The following LPP variants were observed in gnomAD, a reference collection of about 807,000 sequenced individuals.
The protein encoded by LPP is lipoma-preferred partner.
A neutral mutation model predicts 60.4 loss-of-function variants in LPP; 38 were observed. The observed-to-expected ratio is 0.63, with a 90% CI of 0.49 to 0.83. The LOEUF (loss-of-function observed/expected upper bound fraction) is 0.83, where lower values mean the gene tolerates loss of function less well. Ranked by LOEUF, LPP falls within the 40% of genes least tolerant of loss-of-function variation. The probability of loss-of-function intolerance (pLI) is 0.00; values close to 1 mark genes in which losing one functional copy is unlikely to be tolerated. For synonymous variants in LPP, 328 were observed against 290.8 expected (o/e 1.13, Z -1.30); for missense variants, 902 against 783.6 (o/e 1.15, Z -1.80).
chr3:188,875,449 GA>G lies in LPP; in HGVS notation c.*976del. On this transcript the variant is annotated 3_prime_UTR_variant, in exon 12 of 12. Transcript: ENST00000617246. Reference sequence around the variant, plus strand: ...TTTTTCTCTAGAGGATGAAGGCTGTGAAAAAACCGTTCAAATTCTCTTCTTT... The same window carrying G: ...TTTTTCTCTAGAGGATGAAGGCTGTGAAAAACCGTTCAAATTCTCTTCTTT... 4.6e-6 allele frequency: 1 copy of G among 216,300 alleles called. No homozygotes were observed. The allele number at this position is 216,300 out of a possible 1,614,324, so 13.4% of individuals were successfully genotyped here.
chr3:188,508,667 A>G (rs1814278900), intron 5 of LPP, among the ~76,000 whole-genome samples: 1 of 152,210 alleles, frequency 6.6e-6, no homozygotes, highest in South Asian at 2.1e-4. Flanking sequence ...CCATTTCGAC[A>G]GATGAGGAGA....
At chr3:188,696,541 G>A (rs1863276762) in intron 7 of LPP, among the ~76,000 whole-genome samples, 2 of 152,244 alleles carry the variant, frequency 1.3e-5, no homozygotes, top group South Asian at 4.2e-4. Flanking sequence ...CTGAGATTAT[G>A]CCACTGCTCT....
chr3:188,441,660 G>T (rs1244515821), intron 4 of LPP, among the ~76,000 whole-genome samples: 1 of 99,446 alleles, frequency 1.0e-5, no homozygotes, highest in Non-Finnish European at 1.8e-5. Context: ...TCGCTCTGTC[G>T]CCCAGGCTGG....
At chr3:188,428,027 C>T (rs1162579265) in intron 4 of LPP, among the ~76,000 whole-genome samples, 3 of 152,094 alleles carry the variant, frequency 2.0e-5, no homozygotes, top group African/African-American at 7.2e-5. Context: ...TGCTTGAAAC[C>T]CAGGGCCCTG....
intron 1 of LPP, among the ~76,000 whole-genome samples, chr3:188,207,722 T>G (rs1733703641): frequency 6.6e-6 from 1 of 151,822 alleles, no homozygotes; most frequent in Non-Finnish European, 1.5e-5. Context: ...CCTGAGTAGC[T>G]GGGACCATAG....
chr3:188,737,987 T>A (rs1239429874), intron 8 of LPP, among the ~76,000 whole-genome samples: 1 of 152,202 alleles, frequency 6.6e-6, no homozygotes, highest in African/African-American at 2.4e-5. Context: ...CAGACATATA[T>A]TGAAATATCT....
intron 4 of LPP, among the ~76,000 whole-genome samples, chr3:188,481,729 C>G (rs1370011612): frequency 1.3e-5 from 2 of 152,168 alleles, no homozygotes; most frequent in Admixed American, 6.5e-5. Context: ...TTGTGGTTCT[C>G]AAAGTGCGAT....
intron 2 of LPP, among the ~76,000 whole-genome samples, chr3:188,341,419 G>A (rs952763147): frequency 6.6e-6 from 1 of 152,194 alleles, no homozygotes; most frequent in Non-Finnish European, 1.5e-5. Context: ...TTAATCATGA[G>A]GATGGTGTTA....
At chr3:188,628,464 T>G (rs1372121690) in intron 7 of LPP, among the ~76,000 whole-genome samples, 1 of 151,996 alleles carries the variant, frequency 6.6e-6, no homozygotes, top group Non-Finnish European at 1.5e-5. Context: ...GCGACTCTTA[T>G]GAACAGCACT....
chr3:188,829,725 CA>C, intron 9 of LPP, among the ~76,000 whole-genome samples: 1 of 152,136 alleles, frequency 6.6e-6, no homozygotes, highest in African/African-American at 2.4e-5. Context: ...TGAAAAAGTT[CA>C]CACTTAGCAG....
intron 5 of LPP, among the ~76,000 whole-genome samples, chr3:188,491,912 T>A (rs1808488942): frequency 1.3e-5 from 2 of 152,224 alleles, no homozygotes; most frequent in African/African-American, 4.8e-5. Flanking sequence ...TTCTCTTCTT[T>A]ACTTTTTAAG....
At chr3:188,662,652 G>A (rs544709892) in intron 7 of LPP, among the ~76,000 whole-genome samples, 105 of 152,286 alleles carry the variant, frequency 6.9e-4, no homozygotes, top group African/African-American at 2.4e-3. Context: ...TATGTAAAGA[G>A]CTTCTTATTT....
At chr3:188,569,403 A>C (rs1832986747) in intron 6 of LPP, among the ~76,000 whole-genome samples, 1 of 152,032 alleles carries the variant, frequency 6.6e-6, no homozygotes, top group Non-Finnish European at 1.5e-5. Context: ...AATGAAAATT[A>C]GAAGTATGTC....
chr3:188,367,905 C>T (rs767255068), intron 3 of LPP, among the ~76,000 whole-genome samples: 1 of 152,272 alleles, frequency 6.6e-6, no homozygotes, highest in Non-Finnish European at 1.5e-5. Flanking sequence ...TTCTGTGGAA[C>T]ATTCTTTGGA....
At chr3:188,707,417 C>T (rs763626219) in intron 7 of LPP, among the ~76,000 whole-genome samples, 8 of 152,146 alleles carry the variant, frequency 5.3e-5, no homozygotes, top group Admixed American at 3.9e-4. Flanking sequence ...CCAACCTGGC[C>T]GCGCCAAAGC....
intron 7 of LPP, among the ~76,000 whole-genome samples, chr3:188,627,925 A>G (rs1357888674): frequency 6.6e-6 from 1 of 152,166 alleles, no homozygotes; most frequent in African/African-American, 2.4e-5. Flanking sequence ...TTCTCAGACC[A>G]CAGTGCAATA....
chr3:188,748,141 A>T (rs955761784), intron 8 of LPP, among the ~76,000 whole-genome samples: 1 of 152,200 alleles, frequency 6.6e-6, no homozygotes, highest in Non-Finnish European at 1.5e-5. Context: ...ATAGATATTC[A>T]TAAGAAAATT....
chr3:188,528,343 C>CT (rs74521384), intron 6 of LPP, among the ~76,000 whole-genome samples: 5 of 151,034 alleles, frequency 3.3e-5, no homozygotes, highest in Admixed American at 6.6e-5. Flanking sequence ...CGCCCCCCAG[C>CT]TTTTTTTTTA....
chr3:188,346,548 G>C (rs1202327885), intron 3 of LPP, among the ~76,000 whole-genome samples: 1 of 152,042 alleles, frequency 6.6e-6, no homozygotes, highest in Non-Finnish European at 1.5e-5. Context: ...ACAGGTGTGA[G>C]CCACCGTGCC....
Sources: allele counts gnomAD v4.1 joint callset (sites outside exome capture counted in the v4.1 genomes callset), GRCh38; gene constraint gnomAD v4.1.1; transcripts MANE v1.5; gene names NCBI Gene and HGNC (gene_info 2026-07-23, HGNC 2026-07-21).